RASGRP3: variants seen among roughly 807,000 people sequenced by gnomAD.
The protein encoded by RASGRP3 is RAS guanyl releasing protein 3, also known as ras guanyl-releasing protein 3.
In RASGRP3, 54 loss-of-function variants were observed where a neutral mutation model predicts 82.7. The ratio of observed to expected loss-of-function variants is 0.65; its 90% confidence interval spans 0.52 to 0.82. The LOEUF (loss-of-function observed/expected upper bound fraction) is 0.82, where lower values mean the gene tolerates loss of function less well. Ranked by LOEUF, RASGRP3 falls within the 40% of genes least tolerant of loss-of-function variation. The pLI is 0.00. For synonymous variants in RASGRP3, 309 were observed against 300.5 expected (o/e 1.03, Z -0.29); for missense variants, 861 against 828.9 (o/e 1.04, Z -0.48).
chr2:33,544,500 T>G (rs1333696141), intron 13 of RASGRP3, among the ~76,000 whole-genome samples: 1 of 146,910 alleles, frequency 6.8e-6, no homozygotes, highest in Non-Finnish European at 1.5e-5. Flanking sequence ...ACCCAACTCA[T>G]TAAAAGAAAA....
intron 12 of RASGRP3, among the ~76,000 whole-genome samples, chr2:33,540,562 G>A (rs1574463845): frequency 7.3e-5 from 1 of 13,792 alleles, no homozygotes; most frequent in African/African-American, 4.3e-4. Context: ...TGTTTTGTGT[G>A]TGTGTGTGTG....
intron 2 of RASGRP3, among the ~76,000 whole-genome samples, chr2:33,448,460 T>C (rs1452891062): frequency 2.0e-5 from 3 of 152,184 alleles, no homozygotes; most frequent in African/African-American, 7.2e-5. Flanking sequence ...GGCATAGACA[T>C]GCAATGGGAA....
intron 11 of RASGRP3, among the ~76,000 whole-genome samples, chr2:33,537,209 A>ATC (rs1457483810): frequency 2.6e-5 from 4 of 150,948 alleles, no homozygotes; most frequent in Non-Finnish European, 2.9e-5. Flanking sequence ...ATATATATAT[A>ATC]TCTCAAAACT....
chr2:33,472,811 G>A (rs145001766), upstream of RASGRP3, among the ~76,000 whole-genome samples: 537 of 150,056 alleles, frequency 3.6e-3, 4 homozygotes, highest in Middle Eastern at 0.045. Flanking sequence ...GAAAATTGCC[G>A]GGCGCGGTGG....
intron 4 of RASGRP3, among the ~76,000 whole-genome samples, chr2:33,519,215 C>G (rs1671763023): frequency 6.6e-6 from 1 of 152,186 alleles, no homozygotes; most frequent in Admixed American, 6.5e-5. Flanking sequence ...CCACTATAAT[C>G]TTATTGGACC....
chr2:33,471,908 T>A (rs985915726), upstream of RASGRP3, among the ~76,000 whole-genome samples: 61 of 142,722 alleles, frequency 4.3e-4, no homozygotes, highest in Non-Finnish European at 8.2e-4. Context: ...TTTTTTTTTT[T>A]AAGAACTCTA....
At chr2:33,518,678 T>A (rs1671689881) in intron 4 of RASGRP3, among the ~76,000 whole-genome samples, 1 of 152,232 alleles carries the variant, frequency 6.6e-6, no homozygotes, top group African/African-American at 2.4e-5. Context: ...TCTTTCTTAA[T>A]ATCTTTATTC....
chr2:33,502,014 C>G (rs1014586493), intron 1 of RASGRP3, among the ~76,000 whole-genome samples: 2 of 152,174 alleles, frequency 1.3e-5, no homozygotes, highest in African/African-American at 4.8e-5. Context: ...GGGAGTTAGA[C>G]AGAGCTTGAT....
chr2:33,479,465 C>T (rs537241707), intron 1 of RASGRP3, among the ~76,000 whole-genome samples: 1 of 152,274 alleles, frequency 6.6e-6, no homozygotes, highest in African/African-American at 2.4e-5. Flanking sequence ...AAGCTATTAT[C>T]AGACCCATCC....
intron 12 of RASGRP3, 64 bp downstream of exon 12, chr2:33,539,274 T>C: frequency 7.6e-7 from 1 of 1,314,682 alleles, no homozygotes; most frequent in African/African-American, 1.5e-5. Flanking sequence ...CAGAATGTTC[T>C]GCGATTGTCC....
At chr2:33,544,412 G>C (rs1031774150) in intron 13 of RASGRP3, among the ~76,000 whole-genome samples, 3 of 151,964 alleles carry the variant, frequency 2.0e-5, no homozygotes, top group Non-Finnish European at 4.4e-5. Context: ...TTGATCAAAG[G>C]TTGTCTTGAT....
chr2:33,556,027 C>T (rs1467526418), intron 15 of RASGRP3, among the ~76,000 whole-genome samples: 1 of 152,134 alleles, frequency 6.6e-6, no homozygotes, highest in African/African-American at 2.4e-5. Context: ...TTGTCCTTTT[C>T]AATGAATGCT....
rs1676296822 is a variant in RASGRP3, at chr2:33,558,712, A to T, written c.1746A>T (p.Gly582=). The T allele has an allele frequency of 6.2e-7, 1 of 1,613,274 alleles. No individual in the cohort carries two copies. Among genetic ancestry groups the T allele is most frequent in the Non-Finnish European group, 8.5e-7 (1 of 1,179,644 alleles). ...EVFEFPGVTA[G]HRDLDSRAIT... ...TTGAGTTCCCTGGAGTCACTGCTGG[A>T]CACAGGGATTTAGACAGCAGAGCCA... Residue 582 remains glycine (G), a synonymous_variant, in exon 17 of 18, where the codon GGA becomes GGT. Coordinates refer to ENST00000403687, the MANE Select transcript of RASGRP3 (RefSeq NM_001139488.2).
intron 3 of RASGRP3, among the ~76,000 whole-genome samples, chr2:33,515,821 A>G (rs1451486539): frequency 6.6e-6 from 1 of 152,212 alleles, no homozygotes; most frequent in Non-Finnish European, 1.5e-5. Context: ...ACATGGGAGT[A>G]GTTATTTATT....
intron 12 of RASGRP3, 33 bp downstream of exon 12, chr2:33,539,243 C>T (rs1673984398): frequency 7.0e-7 from 1 of 1,429,948 alleles, no homozygotes; most frequent in Non-Finnish European, 9.7e-7. Flanking sequence ...AGAGAGGGCA[C>T]TAGAAGACCC....
At chr2:33,534,694 A>ATTTTTTTTT (rs71910431) in intron 11 of RASGRP3, among the ~76,000 whole-genome samples, 17 of 122,190 alleles carry the variant, frequency 1.4e-4, no homozygotes, top group East Asian at 2.3e-4. Flanking sequence ...ACACCCAGCA[A>ATTTTTTTTT]TTTTTTTTTT....
intron 12 of RASGRP3, among the ~76,000 whole-genome samples, chr2:33,540,861 TAA>T (rs70940208): frequency 2.3e-4 from 32 of 139,270 alleles, no homozygotes; most frequent in African/African-American, 5.8e-4. Flanking sequence ...ATACTGGAAT[TAA>T]AAAAAAAAAG....
At chr2:33,539,310 C>A in intron 12 of RASGRP3, 100 bp downstream of exon 12, 2 of 972,332 alleles carry the variant, frequency 2.1e-6, no homozygotes, top group Non-Finnish European at 3.1e-6. Flanking sequence ...CCCCTGAAAA[C>A]AACCCTCTGG....
chr2:33,479,782 C>G (rs546903102), intron 1 of RASGRP3, among the ~76,000 whole-genome samples: 55 of 152,230 alleles, frequency 3.6e-4, no homozygotes, highest in African/African-American at 1.2e-3. Flanking sequence ...AAGAAACCTG[C>G]CTCCTGAATC....
Sources: allele counts gnomAD v4.1 joint callset (sites outside exome capture counted in the v4.1 genomes callset), GRCh38; gene constraint gnomAD v4.1.1; transcripts MANE v1.5; gene names NCBI Gene and HGNC (gene_info 2026-07-23, HGNC 2026-07-21).